Variants in C7orf33 observed in about 807,000 individuals in gnomAD.
C7orf33 encodes the protein chromosome 7 open reading frame 33, also known as uncharacterized protein C7orf33.
In C7orf33, 15 loss-of-function variants were observed where a neutral mutation model predicts 13.4. The ratio of observed to expected loss-of-function variants is 1.12; its 90% CI spans 0.75 to 1.72. C7orf33 has a LOEUF of 1.72. Among genes scored for constraint, C7orf33 ranks in the 40% most tolerant of loss-of-function variants. The probability of loss-of-function intolerance (pLI) is 0.00; values close to 1 mark genes in which losing one functional copy is unlikely to be tolerated. For synonymous variants in C7orf33, 73 were observed against 83.2 expected (o/e 0.88, Z 0.67); for missense variants, 187 against 220.3 (o/e 0.85, Z 0.96).
At chr7:148,593,533 G>A (rs1796292921) in intron 1 of C7orf33, among the ~76,000 whole-genome samples, 1 of 152,150 alleles carries the variant, frequency 6.6e-6, no homozygotes, top group Admixed American at 6.5e-5. Context: ...CCAAAGTGCT[G>A]GGATTACAGG....
At chr7:148,594,447 A>G (rs1461298680) in intron 1 of C7orf33, among the ~76,000 whole-genome samples, 3 of 152,054 alleles carry the variant, frequency 2.0e-5, no homozygotes, top group African/African-American at 7.2e-5. Context: ...AAGTGCTGGG[A>G]TTACAGGCGT....
intron 1 of C7orf33, among the ~76,000 whole-genome samples, chr7:148,604,404 G>T (rs1236470410): frequency 6.6e-5 from 10 of 152,230 alleles, no homozygotes; most frequent in African/African-American, 2.4e-4. Flanking sequence ...TGGGATTACA[G>T]GCGTGAGCCA....
chr7:148,613,680 G>A (rs1421187061), intron 1 of C7orf33, among the ~76,000 whole-genome samples: 2 of 152,164 alleles, frequency 1.3e-5, no homozygotes, highest in African/African-American at 4.8e-5. Context: ...GGGAGTGACC[G>A]CTAATGGGTA....
intron 1 of C7orf33, among the ~76,000 whole-genome samples, chr7:148,598,755 TATATATATAGAGAGAGAGAGAGAGAGAG>T (rs1305301355): frequency 3.6e-4 from 19 of 52,470 alleles, no homozygotes; most frequent in African/African-American, 1.3e-3. Context: ...TATATATATA[TATATATATAGAGAGAGAGAGAGAGAGAG>T]AGAGAGAGAG....
At position 148,599,157 on chromosome 7, in the gene C7orf33, CT is replaced by C. The variant is rs1253955242; in HGVS notation, c.204+8029del. On this transcript the variant is annotated intron_variant, in intron 1 of 2. Transcript: ENST00000307003. Reference sequence around the variant, plus strand: ...GGATTACAGGTATGAGCCACTGCCCCTGGCCAGGAATGAAATTATTGAGCCA... The same window carrying C: ...GGATTACAGGTATGAGCCACTGCCCCGGCCAGGAATGAAATTATTGAGCCA... Among the ~76,000 whole-genome samples the C allele has an allele frequency of 2.0e-5, 3 of 152,160 alleles. No individual in the cohort carries two copies. In the East Asian group the frequency reaches 5.8e-4, roughly 30 times the overall value.
chr7:148,615,803 G>A lies in C7orf33; in HGVS notation c.*402G>A, dbSNP rs1180265255. On this transcript the variant is annotated 3_prime_UTR_variant, in exon 3 of 3. Transcript: ENST00000307003. The stretch of plus-strand genomic sequence containing the variant: ...CACACTGTCATTTATGATATTATTT[G>A]TAATATCTGGTATGTCTAAGTAAAA... 6.1e-6 allele frequency: 1 copy of A among 164,516 alleles called. No homozygotes were observed. The highest frequency in any genetic ancestry group is 1.3e-5 in the Non-Finnish European group (1 of 74,904). 10.2% of individuals were successfully genotyped at this position (164,516 alleles called of 1,614,324 possible). A position where few individuals can be genotyped will look rare whatever the true frequency, so the allele number is the denominator to read the frequency against.
At chr7:148,597,843 C>T (rs1489225061) in intron 1 of C7orf33, among the ~76,000 whole-genome samples, 1 of 152,178 alleles carries the variant, frequency 6.6e-6, no homozygotes, top group Admixed American at 6.5e-5. Flanking sequence ...GCAAGCTCCG[C>T]TTCCCAGGTT....
intron 1 of C7orf33, among the ~76,000 whole-genome samples, chr7:148,595,494 G>T (rs190857786): frequency 8.4e-6 from 1 of 119,058 alleles, no homozygotes; most frequent in Non-Finnish European, 1.6e-5. Context: ...ATATACTATA[G>T]ATCTATATTA....
At chr7:148,595,633 C>A (rs1585454310) in intron 1 of C7orf33, among the ~76,000 whole-genome samples, 1 of 68,444 alleles carries the variant, frequency 1.5e-5, no homozygotes, top group Non-Finnish European at 2.3e-5. Context: ...TAATATACAT[C>A]TATATTATAT....
At position 148,590,947 on chromosome 7, in the gene C7orf33, C is replaced by T. The variant is rs1384015473; in HGVS notation, c.22C>T (p.Leu8Phe). The part of the protein sequence containing the change: MQVEVQS[L>F]SLEECPWRLP... ...CAAAATGCAAGTGGAAGTTCAAAGC[C>T]TCAGCCTTGAAGAGTGTCCCTGGAG... Residue 8 changes from leucine (L) to phenylalanine (F), a missense_variant, in exon 1 of 3, where the codon CTC becomes TTC. By Grantham distance (22) the Leu-to-Phe change is conservative. Coordinates refer to ENST00000307003, the MANE Select transcript of C7orf33 (RefSeq NM_145304.4). 2.5e-6 allele frequency: 4 copies of T among 1,614,126 alleles called. No individual in the cohort carries two copies. The highest frequency in any genetic ancestry group is 1.6e-4 in the Middle Eastern group (1 of 6,062).
At position 148,615,468 on chromosome 7, in the gene C7orf33, A is replaced by G; in HGVS notation, c.*67A>G. 9.9e-7 allele frequency: 1 copy of G among 1,012,298 alleles called. No homozygotes were observed. The highest frequency in any genetic ancestry group is 1.6e-6 in the Non-Finnish European group (1 of 644,036). 62.7% of individuals were successfully genotyped at this position (1,012,298 alleles called of 1,614,324 possible). On this transcript the variant is annotated 3_prime_UTR_variant, in exon 3 of 3. Transcript: ENST00000307003. Reference sequence around the variant, plus strand: ...AGATTGTGAAATCTCTTCTTGCAAGAAAAAAGAGAAATAGCTGAAGTTCTG... The same window carrying G: ...AGATTGTGAAATCTCTTCTTGCAAGGAAAAAGAGAAATAGCTGAAGTTCTG...
At chr7:148,600,064 G>A (rs1252517075) in intron 1 of C7orf33, among the ~76,000 whole-genome samples, 4 of 152,150 alleles carry the variant, frequency 2.6e-5, no homozygotes, top group Non-Finnish European at 5.9e-5. Flanking sequence ...CCCATGCCCC[G>A]CAGTTTTGTG....
intron 1 of C7orf33, among the ~76,000 whole-genome samples, chr7:148,595,671 G>GATATAATATAGATCT: frequency 1.0e-5 from 1 of 96,672 alleles, no homozygotes; most frequent in South Asian, 4.2e-4. Flanking sequence ...ATATTATATA[G>GATATAATATAGATCT]ATATAATATA....
At chr7:148,595,170 A>G (rs964304247) in intron 1 of C7orf33, among the ~76,000 whole-genome samples, 3 of 150,382 alleles carry the variant, frequency 2.0e-5, no homozygotes, top group Non-Finnish European at 3.0e-5. Context: ...CCTGGGTTCA[A>G]GTGATCGATC....
rs912959563 is a variant in C7orf33 at position 148,600,802 on chromosome 7, T to C, written c.204+9673T>C. Among the ~76,000 whole-genome samples, 6 of 141,598 alleles carry C rather than the reference T, an allele frequency of 4.2e-5. No individual in the cohort carries two copies. The South Asian group carries it at 6.9e-4, about 16-fold the overall frequency. 92.9% of individuals were successfully genotyped at this position (141,598 alleles called of 152,430 possible). A position where few individuals can be genotyped will look rare whatever the true frequency, so the allele number is the denominator to read the frequency against. ...GCTTTCTCCATTTTATGGACTTCTT[T>C]TTTTTTTTTTTTTTTTTTGAGACGG... On this transcript the variant is annotated intron_variant, in intron 1 of 2. Coordinates refer to ENST00000307003, the MANE Select transcript of C7orf33 (RefSeq NM_145304.4).
In C7orf33 at chr7:148,591,082, G is replaced by T; in HGVS notation, c.157G>T (p.Gly53Cys). The T allele has an allele frequency of 6.2e-7, 1 of 1,613,926 alleles. No individual in the cohort carries two copies. The highest frequency in any genetic ancestry group is 8.5e-7 in the Non-Finnish European group (1 of 1,179,968). The change falls in exon 1 of 3, where the codon GGC (glycine) becomes TGC (cysteine). Residue 53 changes from glycine to cysteine, a missense_variant. Coordinates refer to ENST00000307003, the MANE Select transcript of C7orf33 (RefSeq NM_145304.4). ...RAVAVWVHVR[G>C]GPGQFNLSYA... Reference sequence around the variant, plus strand: ...AGTCGCTGTTTGGGTCCACGTTAGGGGCGGTCCAGGTCAATTTAACTTGTC... The same window carrying T: ...AGTCGCTGTTTGGGTCCACGTTAGGTGCGGTCCAGGTCAATTTAACTTGTC...
At chr7:148,607,923 G>T (rs1353560342) in intron 1 of C7orf33, among the ~76,000 whole-genome samples, 1 of 151,858 alleles carries the variant, frequency 6.6e-6, no homozygotes, top group East Asian at 1.9e-4. Context: ...CCTAATTGAT[G>T]ATTTTTTTCA....
At position 148,591,081 on chromosome 7, in the gene C7orf33, G is replaced by C. The variant is rs769492751; in HGVS notation, c.156G>C (p.Arg52Ser). The C allele has an allele frequency of 2.6e-5, 42 of 1,613,814 alleles. No homozygotes were observed. The East Asian group carries it at 9.4e-4, about 36-fold the overall frequency. The change falls in exon 1 of 3, where the codon AGG becomes AGC. Residue 52 changes from arginine to serine, a missense_variant. Coordinates refer to ENST00000307003, the MANE Select transcript of C7orf33 (RefSeq NM_145304.4). ...GRAVAVWVHVRGGPGQFNLSY... is the reference protein window; with the variant it reads ...GRAVAVWVHVSGGPGQFNLSY... ...CAGTCGCTGTTTGGGTCCACGTTAG[G>C]GGCGGTCCAGGTCAATTTAACTTGT...
In C7orf33 at chr7:148,615,314, A is replaced by C. The variant is rs1355833860; in HGVS notation, c.460-13A>C. On this transcript the variant is annotated splice_polypyrimidine_tract_variant and intron_variant, in intron 2 of 2. Coordinates refer to ENST00000307003, the MANE Select transcript of C7orf33 (RefSeq NM_145304.4). The stretch of plus-strand genomic sequence containing the variant: ...ATCCTGAGATAACAGAAGTCTTCGT[A>C]ATCCACATGTAGGTACGTGGGCATG... 6.3e-7 allele frequency: 1 copy of C among 1,586,554 alleles called. No homozygotes were observed. The highest frequency in any genetic ancestry group is 1.1e-5 in the South Asian group (1 of 90,568).
Sources: allele counts gnomAD v4.1 joint callset (sites outside exome capture counted in the v4.1 genomes callset), GRCh38; gene constraint gnomAD v4.1.1; transcripts MANE v1.5; gene names NCBI Gene and HGNC (gene_info 2026-07-23, HGNC 2026-07-21).